HERC6: variants seen among roughly 807,000 people sequenced by gnomAD.
HERC6 encodes probable E3 ubiquitin-protein ligase HERC6.
A neutral mutation model predicts 114.5 loss-of-function variants in HERC6; 101 were observed. The ratio of observed to expected loss-of-function variants is 0.88; its 90% CI spans 0.75 to 1.04. The LOEUF (loss-of-function observed/expected upper bound fraction) is 1.04. HERC6 is among the 50% of genes least tolerant of loss of function. The pLI is 0.00. For synonymous variants in HERC6, 408 were observed against 436.2 expected, an observed-to-expected ratio of 0.94 and a Z score of 0.81; for missense variants, 1,133 against 1,230.9, an observed-to-expected ratio of 0.92 and a Z score of 1.19.
At chr4:88,400,956 T>G (rs1467765918) in intron 8 of HERC6, among the ~76,000 whole-genome samples, 1 of 152,176 alleles carries the variant, frequency 6.6e-6, no homozygotes, top group South Asian at 2.1e-4. Flanking sequence ...GACTGCTGTA[T>G]TTCCAGAAGG....
At chr4:88,408,266 C>T (rs753059250) in intron 10 of HERC6, among the ~76,000 whole-genome samples, 28 of 152,052 alleles carry the variant, frequency 1.8e-4, no homozygotes, top group African/African-American at 9.7e-5. Context: ...AGATTCAGCA[C>T]GTAAAATTTT....
chr4:88,390,877 C>T lies in HERC6; in HGVS notation c.662C>T (p.Pro221Leu). The change falls in exon 4 of 23, where the codon CCA becomes CTA. Residue 221 changes from proline (P) to leucine (L), a missense_variant and splice_region_variant. Pro to Leu is a moderately conservative substitution (Grantham distance 98). Coordinates refer to ENST00000264346, the MANE Select transcript of HERC6 (RefSeq NM_017912.4). The part of the protein sequence containing the change: ...GQLALSGRNV[P>L]VQSNKPLSVG... ...CTGGCCCTCAGTGGGCGTAATGTCC[C>T]AGGTAAGGAGATAGTCTTGTTTGTG... 6.2e-7 allele frequency: 1 copy of T among 1,610,210 alleles called. No individual in the cohort carries two copies. The highest frequency in any genetic ancestry group is 1.1e-5 in the South Asian group (1 of 90,718).
intron 3 of HERC6, among the ~76,000 whole-genome samples, chr4:88,387,578 G>C (rs1434721519): frequency 6.6e-6 from 1 of 152,172 alleles, no homozygotes; most frequent in Admixed American, 6.5e-5. Context: ...CTACTACGCT[G>C]CACTGACTAC....
rs1320205558 is a variant in HERC6, at chr4:88,383,254, A to G, written c.233A>G (p.Asp78Gly). Reference sequence around the variant, plus strand: ...CAGGCATTGGAAACCCTAATTGTTGATCTCGTGAGCTGCGGGAAGGAGCAC... The same window carrying G: ...CAGGCATTGGAAACCCTAATTGTTGGTCTCGTGAGCTGCGGGAAGGAGCAC... ...PIQALETLIVDLVSCGKEHSL... is the reference protein window; with the variant it reads ...PIQALETLIVGLVSCGKEHSL... The change falls in exon 2 of 23, where the codon GAT becomes GGT. Residue 78 changes from aspartate to glycine, a missense_variant. Transcript: ENST00000264346. 6.2e-7 allele frequency: 1 copy of G among 1,609,510 alleles called. No homozygotes were observed. The highest frequency in any genetic ancestry group is 1.3e-5 in the African/African-American group (1 of 74,800).
Position 88,378,943 on chromosome 4 carries a change from G to A in HERC6, c.22G>A (p.Asp8Asn), listed in dbSNP as rs1733999388. 3.1e-6 allele frequency: 5 copies of A among 1,594,000 alleles called. No individual in the cohort carries two copies. Among genetic ancestry groups the A allele is most frequent in the South Asian group, 2.3e-5 (2 of 88,022 alleles). The change falls in exon 1 of 23, where the codon GAC becomes AAC. Residue 8 changes from aspartate (D) to asparagine (N), a missense_variant. Asp to Asn is a conservative substitution (Grantham distance 23). This residue lies in a region of HERC6 where 735 missense variants were observed against 754.0 expected (regional missense o/e 0.97). Transcript: ENST00000264346. MYFCWGA[D>N]SRELQRRRTA... ...CGGGATGTACTTCTGTTGGGGCGCC[G>A]ACTCCAGGGAGCTGCAGCGCCGGAG...
chr4:88,403,375 T>C (rs1367753619), intron 8 of HERC6, among the ~76,000 whole-genome samples: 2 of 152,200 alleles, frequency 1.3e-5, no homozygotes, highest in Admixed American at 6.5e-5. Context: ...TAAACACTTG[T>C]GGGTGATTAA....
At chr4:88,427,009 A>C (rs779437994) in intron 15 of HERC6, among the ~76,000 whole-genome samples, 4 of 152,138 alleles carry the variant, frequency 2.6e-5, no homozygotes, top group South Asian at 2.1e-4. Flanking sequence ...TCATTTGTCT[A>C]TTCTGCTAGT....
chr4:88,412,938 C>A, intron 11 of HERC6, 139 bp from the exon 12 acceptor site: 1 of 640,602 alleles, frequency 1.6e-6, no homozygotes, highest in Non-Finnish European at 2.7e-6. Context: ...GGAGTCTCAT[C>A]AATAGGTTTC....
chr4:88,432,101 T>G (rs1161242018), intron 17 of HERC6, among the ~76,000 whole-genome samples: 1 of 152,198 alleles, frequency 6.6e-6, no homozygotes, highest in East Asian at 1.9e-4. Flanking sequence ...AGTGCCAACA[T>G]GATGCCACAA....
chr4:88,402,749 A>C (rs1031414910), intron 8 of HERC6, among the ~76,000 whole-genome samples: 1 of 152,218 alleles, frequency 6.6e-6, no homozygotes, highest in African/African-American at 2.4e-5. Flanking sequence ...CAGATGACAT[A>C]GTCTCATGCT....
intron 3 of HERC6, among the ~76,000 whole-genome samples, chr4:88,388,250 T>C (rs1734695567): frequency 6.6e-6 from 1 of 151,958 alleles, no homozygotes; most frequent in Non-Finnish European, 1.5e-5. Context: ...GGTGAAACCC[T>C]GTCTCTACTA....
At chr4:88,423,016 TC>T (rs1270136751) in intron 13 of HERC6, among the ~76,000 whole-genome samples, 1 of 151,964 alleles carries the variant, frequency 6.6e-6, no homozygotes, top group Non-Finnish European at 1.5e-5. Flanking sequence ...TTTAATCTCA[TC>T]ACAATCTGTA....
chr4:88,393,539 TTTA>T lies in HERC6; in HGVS notation c.718_720del (p.Tyr240del). The T allele has an allele frequency of 6.2e-7, 1 of 1,612,834 alleles. No homozygotes were observed. Among genetic ancestry groups the T allele is most frequent in the Non-Finnish European group, 8.5e-7 (1 of 1,179,200 alleles). On this transcript the variant is annotated inframe_deletion, in exon 5 of 23. Transcript: ENST00000264346. ...GGTGCACTGAAGAATCTAGGTGTGG[TTTA>T]TATCAGCTGTGGTGATGCACACACT...
intron 12 of HERC6, among the ~76,000 whole-genome samples, chr4:88,416,445 AT>A (rs1191639966): frequency 6.6e-6 from 1 of 151,906 alleles, no homozygotes; most frequent in Non-Finnish European, 1.5e-5. Flanking sequence ...GCTATTAAAA[AT>A]TTTTTTTTAC....
chr4:88,383,022 T>C (rs1357987964), intron 1 of HERC6, among the ~76,000 whole-genome samples, 199 bp from the exon 2 acceptor site: 1 of 152,222 alleles, frequency 6.6e-6, no homozygotes, highest in African/African-American at 2.4e-5. Context: ...AGCTGTATCC[T>C]ATAAAGACAG....
At chr4:88,433,897 C>T (rs1053100682) in intron 17 of HERC6, among the ~76,000 whole-genome samples, 3 of 152,066 alleles carry the variant, frequency 2.0e-5, no homozygotes, top group Non-Finnish European at 4.4e-5. Flanking sequence ...TGTATCTTTT[C>T]GAGAACAAAT....
Position 88,378,858 on chromosome 4 carries a change from G to A in HERC6, c.-64G>A. ...AATCATCGCGCACCCAGTCACCAGC[G>A]TTCGGGAGCCTGTCGCAGCGGGACC... On this transcript the variant is annotated 5_prime_UTR_variant, in exon 1 of 23. Transcript: ENST00000264346. The A allele has an allele frequency of 6.9e-7, 1 of 1,445,508 alleles. No homozygotes were observed. The allele number at this position is 1,445,508 out of a possible 1,614,324, so 89.5% of individuals were successfully genotyped here.
chr4:88,393,614 T>A, intron 5 of HERC6, 32 bp downstream of exon 5: 1 of 1,398,142 alleles, frequency 7.2e-7, no homozygotes, highest in Non-Finnish European at 1.0e-6. Flanking sequence ...TTTTTTTGAG[T>A]TCCAGAGAAA....
intron 1 of HERC6, among the ~76,000 whole-genome samples, chr4:88,380,399 T>A (rs1463216849): frequency 1.0e-5 from 1 of 97,434 alleles, no homozygotes; most frequent in Non-Finnish European, 1.9e-5. Flanking sequence ...TATAAATATA[T>A]ATATATAATA....
Sources: allele counts gnomAD v4.1 joint callset (sites outside exome capture counted in the v4.1 genomes callset), GRCh38; gene constraint gnomAD v4.1.1; regional missense constraint gnomAD v4.1.1; transcripts MANE v1.5; gene names NCBI Gene and HGNC (gene_info 2026-07-23, HGNC 2026-07-21).